The following CYP2B6 variants were observed in gnomAD, a reference collection of about 807,000 sequenced individuals.
CYP2B6 encodes cytochrome P450 2B6.
In CYP2B6, 35 loss-of-function variants were observed where a neutral mutation model predicts 43.4. The ratio of observed to expected loss-of-function variants is 0.81; its 90% CI spans 0.62 to 1.07. CYP2B6 has a LOEUF of 1.07. Ranked by LOEUF, CYP2B6 falls within the 50% of genes least tolerant of loss-of-function variation. The pLI, the probability that CYP2B6 is intolerant of heterozygous loss-of-function variation, is 0.00. For missense variants in CYP2B6, 624 were observed against 632.8 expected, an observed-to-expected ratio of 0.99 and a Z score of 0.15; for synonymous variants, 239 against 239.2, an observed-to-expected ratio of 1.00 and a Z score of 0.01.
chr19:41,000,063 C>A (rs780543125), intron 1 of CYP2B6, among the ~76,000 whole-genome samples: 1 of 152,012 alleles, frequency 6.6e-6, no homozygotes, highest in Non-Finnish European at 1.5e-5. Flanking sequence ...TTGTTTTTGT[C>A]GTTGTTATTG....
At chr19:41,007,093 T>C in intron 4 of CYP2B6, 28 bp downstream of exon 4, 3 of 1,612,726 alleles carry the variant, frequency 1.9e-6, no homozygotes, top group Non-Finnish European at 2.5e-6. Context: ...GGACAGGGGG[T>C]GTGGGGGTGA....
chr19:41,006,417 G>C (rs1243632095), intron 3 of CYP2B6, among the ~76,000 whole-genome samples: 1 of 146,926 alleles, frequency 6.8e-6, no homozygotes, highest in Non-Finnish European at 1.5e-5. Context: ...GGCTCCCGAA[G>C]TGCTGGGTTT....
At chr19:40,993,553 G>A (rs1187980660) in intron 1 of CYP2B6, among the ~76,000 whole-genome samples, 1 of 152,050 alleles carries the variant, frequency 6.6e-6, no homozygotes, top group Non-Finnish European at 1.5e-5. Context: ...CAGCATGGGG[G>A]AAACCGCCCC....
rs1460864814 is a variant in CYP2B6 at position 41,013,473 on chromosome 19, C to T, written c.1294+658C>T. On this transcript the variant is annotated intron_variant, in intron 8 of 8. Coordinates refer to ENST00000324071, the MANE Select transcript of CYP2B6 (RefSeq NM_000767.5). ...ATGGGTGAGCATCAATCAACCATTG[C>T]AAAGTGTGTTCCAGGCAAAGGAAAC... Among the ~76,000 whole-genome samples the T allele has an allele frequency of 2.0e-5, 3 of 152,148 alleles. No individual in the cohort carries two copies. The East Asian group carries it at 5.8e-4, about 29-fold the overall frequency.
At position 40,991,370 on chromosome 19, in the gene CYP2B6, G is replaced by T. The variant is rs375553471; in HGVS notation, c.65G>T (p.Arg22Leu). The T allele has an allele frequency of 6.2e-7, 1 of 1,614,016 alleles. No individual in the cohort carries two copies. The highest frequency in any genetic ancestry group is 1.7e-5 in the Admixed American group (1 of 60,008). ...LTGLLLLLVQ[R>L]HPNTHDRLPP... is the part of the protein sequence containing the mutation. ...GGACTCTTGCTACTCCTGGTTCAGC[G>T]CCACCCTAACACCCATGACCGCCTC... Residue 22 changes from arginine to leucine, a missense_variant, in exon 1 of 9, where the codon CGC becomes CTC. Transcript: ENST00000324071.
At chr19:41,012,912 T>A in intron 8 of CYP2B6, 97 bp downstream of exon 8, 1 of 1,359,878 alleles carries the variant, frequency 7.4e-7, no homozygotes, top group Non-Finnish European at 1.0e-6. Flanking sequence ...TTTGAGCACT[T>A]AATATATTCT....
At chr19:41,001,909 G>A (rs1969095866) in intron 1 of CYP2B6, among the ~76,000 whole-genome samples, 1 of 149,916 alleles carries the variant, frequency 6.7e-6, no homozygotes, top group Non-Finnish European at 1.5e-5. Context: ...TGAGAACTAC[G>A]TTAGATTGAG....
chr19:40,994,108 A>G (rs1968963863), intron 1 of CYP2B6, among the ~76,000 whole-genome samples: 1 of 152,270 alleles, frequency 6.6e-6, no homozygotes, highest in East Asian at 1.9e-4. Context: ...ACCCAACTGG[A>G]ACCTTTTCTG....
intron 3 of CYP2B6, 82 bp downstream of exon 3, chr19:41,004,528 G>A: frequency 1.3e-6 from 2 of 1,504,136 alleles, no homozygotes; most frequent in South Asian, 1.2e-5. Flanking sequence ...AGACAGAGAG[G>A]TATATAAGGG....
At chr19:40,996,273 T>C (rs1174185110) in intron 1 of CYP2B6, among the ~76,000 whole-genome samples, 2 of 152,168 alleles carry the variant, frequency 1.3e-5, no homozygotes, top group Admixed American at 6.5e-5. Context: ...ACTATTAGGT[T>C]ATAGTTGATT....
Position 41,009,378 on chromosome 19 carries a change from C to G in CYP2B6, c.805C>G (p.Leu269Val), listed in dbSNP as rs1439397400. 8 of 1,568,714 alleles carry G rather than the reference C, an allele frequency of 5.1e-6. No individual in the cohort carries two copies. Among genetic ancestry groups the G allele is most frequent in the Admixed American group, 1.7e-5 (1 of 58,686 alleles). Reference sequence around the variant, plus strand: ...CCCCAAGGACCTCATCGACACCTACCTGCTCCACATGGAAAAAGTGGGGTC... The same window carrying G: ...CCCCAAGGACCTCATCGACACCTACGTGCTCCACATGGAAAAAGTGGGGTC... ...SAPKDLIDTYLLHMEKEKSNA... is the reference protein window; with the variant it reads ...SAPKDLIDTYVLHMEKEKSNA... Residue 269 changes from leucine to valine, a missense_variant, in exon 5 of 9, where the codon CTG becomes GTG. Transcript: ENST00000324071.
At chr19:40,999,333 A>T (rs35177224) in intron 1 of CYP2B6, among the ~76,000 whole-genome samples, 43,771 of 151,388 alleles carry the variant, frequency 0.29, 7,205 homozygotes, top group East Asian at 0.44. Context: ...CCTTTGTCAG[A>T]TGAGTAGGTT....
At chr19:41,002,979 C>A (rs763922696) in intron 1 of CYP2B6, among the ~76,000 whole-genome samples, 1 of 152,054 alleles carries the variant, frequency 6.6e-6, no homozygotes, top group Non-Finnish European at 1.5e-5. Flanking sequence ...TTTTTTGTTG[C>A]TGTATACTAG....
intron 8 of CYP2B6, 124 bp from the exon 9 acceptor site, chr19:41,016,522 A>T: frequency 1.1e-6 from 1 of 890,626 alleles, no homozygotes; most frequent in Non-Finnish European, 1.8e-6. Context: ...CCTGAATTGT[A>T]GGTTAAAGGC....
intron 1 of CYP2B6, among the ~76,000 whole-genome samples, chr19:41,000,213 T>C (rs1969063451): frequency 6.6e-6 from 1 of 152,130 alleles, no homozygotes; most frequent in Non-Finnish European, 1.5e-5. Flanking sequence ...GTCCCCATCA[T>C]ATGCTCTCAT....
At position 41,012,384 on chromosome 19, in the gene CYP2B6, G is replaced by A. The variant is rs1468301771; in HGVS notation, c.1051G>A (p.Ala351Thr). ...CCGAGCCAAAATGCCATACACAGAG[G>A]CAGTCATCTATGAGATTCAGAGATT... ...HDRAKMPYTEAVIYEIQRFSD... is the reference protein window; with the variant it reads ...HDRAKMPYTETVIYEIQRFSD... The change falls in exon 7 of 9, where the codon GCA becomes ACA. Residue 351 changes from alanine to threonine, a missense_variant. Ala to Thr is a moderately conservative substitution (Grantham distance 58). Coordinates refer to ENST00000324071, the MANE Select transcript of CYP2B6 (RefSeq NM_000767.5). 14 of 1,613,972 alleles carry A rather than the reference G, an allele frequency of 8.7e-6. No individual in the cohort carries two copies. In the Admixed American group the frequency reaches 1.2e-4, roughly 13 times the overall value.
At chr19:41,007,096 G>A (rs1969202585) in intron 4 of CYP2B6, 31 bp downstream of exon 4, 1 of 1,612,030 alleles carries the variant, frequency 6.2e-7, no homozygotes. Flanking sequence ...CAGGGGGTGT[G>A]GGGGTGAGGT....
At chr19:41,008,497 G>C (rs1253649691) in intron 4 of CYP2B6, among the ~76,000 whole-genome samples, 1 of 139,688 alleles carries the variant, frequency 7.2e-6, no homozygotes, top group African/African-American at 2.8e-5. Context: ...CACAGTTATG[G>C]ATTTTCAGGA....
intron 4 of CYP2B6, chr19:41,007,480 C>T (rs78313984): frequency 0.28 from 52,427 of 184,398 alleles, 8,253 homozygotes; most frequent in African/African-American, 0.4. Context: ...TTTTTTTAGA[C>T]GGAGTCTCGC....
Sources: allele counts gnomAD v4.1 joint callset (sites outside exome capture counted in the v4.1 genomes callset), GRCh38; gene constraint gnomAD v4.1.1; transcripts MANE v1.5; gene names NCBI Gene and HGNC (gene_info 2026-07-23, HGNC 2026-07-21).